DLGAP2: variants seen among roughly 807,000 people sequenced by gnomAD.
DLGAP2 encodes DLG associated protein 2.
DLGAP2 carries 26 observed loss-of-function variants against 100.3 expected under a neutral mutation model. The ratio of observed to expected loss-of-function variants is 0.26; its 90% CI spans 0.19 to 0.36. The LOEUF (loss-of-function observed/expected upper bound fraction) is 0.36. Among genes scored for constraint, DLGAP2 ranks in the 10% least tolerant of loss-of-function variants. The pLI is 1.00. For synonymous variants in DLGAP2, 886 were observed against 630.1 expected (o/e 1.41, Z -6.08); for missense variants, 1,858 against 1,453.2 (o/e 1.28, Z -4.53).
intron 2 of DLGAP2, among the ~76,000 whole-genome samples, chr8:1,195,980 C>T (rs1797741517): frequency 6.6e-6 from 1 of 152,214 alleles, no homozygotes. Context: ...TCACACTGGG[C>T]AGCTGTGGGG....
At chr8:1,662,673 T>C (rs1174242547) in intron 8 of DLGAP2, among the ~76,000 whole-genome samples, 1 of 152,266 alleles carries the variant, frequency 6.6e-6, no homozygotes, top group African/African-American at 2.4e-5. Flanking sequence ...TTCCAAGATA[T>C]GCAAATGCCA....
At chr8:1,078,572 TCTC>T (rs1803698832) in intron 2 of DLGAP2, among the ~76,000 whole-genome samples, 1 of 136,002 alleles carries the variant, frequency 7.4e-6, no homozygotes, top group Non-Finnish European at 1.7e-5. Context: ...CCTCCCTCCC[TCTC>T]CTCTAACCCC....
chr8:1,112,322 G>C (rs1403594847), intron 2 of DLGAP2, among the ~76,000 whole-genome samples: 1 of 137,010 alleles, frequency 7.3e-6, no homozygotes, highest in East Asian at 2.3e-4. Context: ...CTCACTGCAA[G>C]CTCCGCCTCC....
intron 13 of DLGAP2, among the ~76,000 whole-genome samples, chr8:1,693,068 T>C (rs1799294973): frequency 6.8e-6 from 1 of 148,116 alleles, no homozygotes; most frequent in African/African-American, 2.5e-5. Flanking sequence ...TATTTATATA[T>C]AAACATATAT....
chr8:1,563,138 T>C, intron 5 of DLGAP2, among the ~76,000 whole-genome samples: 1 of 71,580 alleles, frequency 1.4e-5, no homozygotes, highest in East Asian at 4.8e-4. Context: ...GCTGGGGGAC[T>C]GTGTGGTGTT....
intron 2 of DLGAP2, among the ~76,000 whole-genome samples, chr8:1,245,835 T>A (rs146214959): frequency 6.1e-4 from 93 of 152,296 alleles, no homozygotes; most frequent in African/African-American, 2.0e-3. Context: ...TTGTGCACAG[T>A]GGCACACATG....
intron 2 of DLGAP2, among the ~76,000 whole-genome samples, chr8:1,167,084 T>C (rs555677261): frequency 5.3e-5 from 8 of 152,150 alleles, no homozygotes; most frequent in African/African-American, 1.9e-4. Flanking sequence ...TGCAGTGAGC[T>C]GTGATTGTAT....
At chr8:1,570,582 C>T (rs539179928) in intron 6 of DLGAP2, among the ~76,000 whole-genome samples, 163 of 152,306 alleles carry the variant, frequency 1.1e-3, no homozygotes, top group Non-Finnish European at 1.3e-3. Context: ...TAGGTGCAGA[C>T]GCTGTAATGC....
At chr8:1,031,088 G>A (rs1029507239) in intron 2 of DLGAP2, among the ~76,000 whole-genome samples, 2 of 152,224 alleles carry the variant, frequency 1.3e-5, no homozygotes, top group African/African-American at 4.8e-5. Flanking sequence ...GGCGTCTGCG[G>A]GAGAAGCTTC....
intron 1 of DLGAP2, among the ~76,000 whole-genome samples, chr8:748,721 C>T (rs1245305459): frequency 6.6e-6 from 1 of 152,220 alleles, no homozygotes; most frequent in African/African-American, 2.4e-5. Context: ...CACTGCCCAT[C>T]AGCACCTGCC....
At chr8:838,485 A>C (rs567434035) in intron 1 of DLGAP2, among the ~76,000 whole-genome samples, 1 of 152,160 alleles carries the variant, frequency 6.6e-6, no homozygotes, top group East Asian at 1.9e-4. Context: ...ACTACTGTAC[A>C]TTGATAATAT....
At chr8:1,570,892 G>C (rs1802632734) in intron 6 of DLGAP2, among the ~76,000 whole-genome samples, 1 of 147,978 alleles carries the variant, frequency 6.8e-6, no homozygotes, top group Non-Finnish European at 1.5e-5. Context: ...GGGGTGAACT[G>C]GAGGGGCGTC....
chr8:1,269,859 C>T (rs942408338), intron 3 of DLGAP2, among the ~76,000 whole-genome samples: 1 of 151,988 alleles, frequency 6.6e-6, no homozygotes, highest in Non-Finnish European at 1.5e-5. Context: ...GCCCTGGAAC[C>T]AAAAAGGGAA....
chr8:999,737 C>G (rs958396740), intron 2 of DLGAP2, among the ~76,000 whole-genome samples: 3 of 152,180 alleles, frequency 2.0e-5, no homozygotes, highest in African/African-American at 7.2e-5. Context: ...CCTGGGCCTT[C>G]CGAAGTGCTG....
chr8:1,176,040 C>G (rs200828827), intron 2 of DLGAP2, among the ~76,000 whole-genome samples: 4 of 152,118 alleles, frequency 2.6e-5, no homozygotes, highest in African/African-American at 9.7e-5. Flanking sequence ...ATGGATAAGC[C>G]CATTCATACA....
chr8:1,102,841 T>C (rs1383311122), intron 2 of DLGAP2, among the ~76,000 whole-genome samples: 2 of 151,528 alleles, frequency 1.3e-5, no homozygotes, highest in Non-Finnish European at 2.9e-5. Context: ...CGTGGGGCCT[T>C]GTGAGTCTCC....
At chr8:1,064,451 C>T (rs979438233) in intron 2 of DLGAP2, among the ~76,000 whole-genome samples, 1 of 152,154 alleles carries the variant, frequency 6.6e-6, no homozygotes, top group Non-Finnish European at 1.5e-5. Flanking sequence ...ATTTCACCAG[C>T]ATTAATAACT....
At chr8:943,389 T>C (rs1391632782) in intron 2 of DLGAP2, among the ~76,000 whole-genome samples, 7 of 152,256 alleles carry the variant, frequency 4.6e-5, no homozygotes. Flanking sequence ...GACACTTTGG[T>C]TTTGACTGGC....
intron 2 of DLGAP2, among the ~76,000 whole-genome samples, chr8:952,795 T>C (rs151282310): frequency 6.6e-6 from 1 of 152,356 alleles, no homozygotes. Flanking sequence ...TAATTTCTGG[T>C]ATATTAGAAG....
Sources: allele counts gnomAD v4.1 joint callset (sites outside exome capture counted in the v4.1 genomes callset), GRCh38; gene constraint gnomAD v4.1.1; transcripts MANE v1.5; gene names NCBI Gene and HGNC (gene_info 2026-07-23, HGNC 2026-07-21).